ITPR2: variants seen among roughly 807,000 people sequenced by gnomAD.
ITPR2 encodes inositol 1,4,5-trisphosphate receptor type 2, also known as inositol 1,4,5-trisphosphate-gated calcium channel ITPR2.
In ITPR2, 207 loss-of-function variants were observed where a neutral mutation model predicts 317.1. The observed-to-expected ratio is 0.65, with a 90% CI of 0.58 to 0.73. The LOEUF (loss-of-function observed/expected upper bound fraction) is 0.73, where lower values mean the gene tolerates loss of function less well. Ranked by LOEUF, ITPR2 falls within the 30% of genes least tolerant of loss-of-function variation. The pLI, the probability that ITPR2 is intolerant of heterozygous loss-of-function variation, is 0.00. For missense variants in ITPR2, 2,613 were observed against 3,284.0 expected (o/e 0.80, Z 4.99); for synonymous variants, 1,156 against 1,149.1 (o/e 1.01, Z -0.12).
At chr12:26,750,927 T>G (rs1949402452) in intron 2 of ITPR2, among the ~76,000 whole-genome samples, 3 of 152,296 alleles carry the variant, frequency 2.0e-5, no homozygotes, top group South Asian at 4.1e-4. Context: ...ATTACCGTCA[T>G]TTTACAAATC....
At chr12:26,530,005 T>C (rs7136137) in intron 37 of ITPR2, among the ~76,000 whole-genome samples, 54,793 of 152,108 alleles carry the variant, frequency 0.36, 12,265 homozygotes, top group Non-Finnish European at 0.5. Flanking sequence ...ATTTTTGCAG[T>C]TTAAGTCTAC....
chr12:26,812,569 A>AGT, intron 1 of ITPR2, among the ~76,000 whole-genome samples: 1 of 151,850 alleles, frequency 6.6e-6, no homozygotes, highest in Non-Finnish European at 1.5e-5. Context: ...ACAGAGCGAG[A>AGT]CTCCGTCTCA....
At chr12:26,656,977 T>C (rs1396002957) in intron 18 of ITPR2, among the ~76,000 whole-genome samples, 1 of 152,162 alleles carries the variant, frequency 6.6e-6, no homozygotes, top group Non-Finnish European at 1.5e-5. Context: ...AAGTGATCAG[T>C]CCAAATGGCA....
intron 10 of ITPR2, among the ~76,000 whole-genome samples, chr12:26,692,257 G>A (rs974095336): frequency 1.3e-5 from 2 of 152,144 alleles, no homozygotes. Context: ...TGCCCCCAGG[G>A]GGCATTGGCA....
intron 1 of ITPR2, among the ~76,000 whole-genome samples, chr12:26,793,102 T>C (rs960754654): frequency 4.6e-5 from 7 of 152,216 alleles, no homozygotes; most frequent in Non-Finnish European, 8.8e-5. Context: ...CCAGATCCTT[T>C]TCATGTGTAC....
At chr12:26,605,094 A>AT (rs1226950472) in intron 26 of ITPR2, among the ~76,000 whole-genome samples, 6 of 108,598 alleles carry the variant, frequency 5.5e-5, no homozygotes, top group African/African-American at 1.7e-4. Context: ...TCTCAAAAAA[A>AT]AAAAAAATAA....
chr12:26,573,346 G>C (rs1189551166), intron 34 of ITPR2, among the ~76,000 whole-genome samples: 1 of 152,100 alleles, frequency 6.6e-6, no homozygotes, highest in Non-Finnish European at 1.5e-5. Flanking sequence ...CCCAGCCTAT[G>C]GATTATTGTC....
chr12:26,671,310 T>A (rs1381221719), intron 13 of ITPR2, among the ~76,000 whole-genome samples: 9 of 152,104 alleles, frequency 5.9e-5, no homozygotes, highest in African/African-American at 2.2e-4. Flanking sequence ...AAAGGTTGGG[T>A]TACCCACAAA....
At chr12:26,418,138 C>T (rs1940780582) in intron 50 of ITPR2, among the ~76,000 whole-genome samples, 1 of 152,080 alleles carries the variant, frequency 6.6e-6, no homozygotes, top group African/African-American at 2.4e-5. Context: ...GGAAAATTGG[C>T]CTCATTTCAG....
At chr12:26,769,823 A>G (rs900101726) in intron 2 of ITPR2, among the ~76,000 whole-genome samples, 1 of 152,196 alleles carries the variant, frequency 6.6e-6, no homozygotes, top group African/African-American at 2.4e-5. Flanking sequence ...AAAAACAGCT[A>G]TATTTAATTC....
chr12:26,727,454 A>G (rs1437452419), intron 2 of ITPR2, among the ~76,000 whole-genome samples: 1 of 152,238 alleles, frequency 6.6e-6, no homozygotes, highest in Non-Finnish European at 1.5e-5. Context: ...GTTTCTCTTC[A>G]TTATTACAGA....
At chr12:26,490,624 C>T (rs1436846956) in intron 39 of ITPR2, among the ~76,000 whole-genome samples, 4 of 152,206 alleles carry the variant, frequency 2.6e-5, no homozygotes, top group African/African-American at 4.8e-5. Flanking sequence ...ACCAGCCTGG[C>T]CACAGGATGA....
chr12:26,437,313 T>G (rs932043611), intron 47 of ITPR2, among the ~76,000 whole-genome samples: 2 of 152,224 alleles, frequency 1.3e-5, no homozygotes, highest in African/African-American at 4.8e-5. Context: ...TTTGTAGATA[T>G]ATCCTGTGAA....
chr12:26,418,056 AT>A (rs1940776894), intron 50 of ITPR2, among the ~76,000 whole-genome samples: 1 of 152,204 alleles, frequency 6.6e-6, no homozygotes, highest in Admixed American at 6.5e-5. Flanking sequence ...TTAACTGCCT[AT>A]AAGTTTATAT....
intron 55 of ITPR2, among the ~76,000 whole-genome samples, chr12:26,367,886 C>G (rs1283901437): frequency 6.6e-6 from 1 of 152,162 alleles, no homozygotes; most frequent in Non-Finnish European, 1.5e-5. Context: ...TTAGATAGTA[C>G]TTCATTGGAG....
chr12:26,457,861 AT>A (rs1206049943), intron 45 of ITPR2, among the ~76,000 whole-genome samples: 3 of 152,156 alleles, frequency 2.0e-5, no homozygotes, highest in Non-Finnish European at 4.4e-5. Flanking sequence ...CTTTATGAAT[AT>A]TTACCTCAGA....
chr12:26,621,161 C>T lies in ITPR2; in HGVS notation c.3424G>A (p.Gly1142Arg), dbSNP rs1287872271. 3 of 1,613,626 alleles carry T rather than the reference C, an allele frequency of 1.9e-6. No homozygotes were observed. Among genetic ancestry groups the T allele is most frequent in the Middle Eastern group, 1.6e-4 (1 of 6,080 alleles). Reference protein sequence around the residue: ...KSSNYENGEIGESQVKGGEEP... With the variant: ...KSSNYENGEIRESQVKGGEEP... ...TCACCACCTTTCACTTGACTTTCCCCTATTTCTCCATTCTCATAGTTGCTG... is the reference window on the plus strand; with the variant it reads ...TCACCACCTTTCACTTGACTTTCCCTTATTTCTCCATTCTCATAGTTGCTG... The change falls in exon 26 of 57, where the codon GGG becomes AGG. Residue 1142 changes from glycine (G) to arginine (R), a missense_variant. Gly to Arg is a moderately radical substitution (Grantham distance 125). Coordinates refer to ENST00000381340, the MANE Select transcript of ITPR2 (RefSeq NM_002223.4).
intron 55 of ITPR2, among the ~76,000 whole-genome samples, chr12:26,380,267 T>G (rs1409636066): frequency 6.6e-6 from 1 of 152,188 alleles, no homozygotes; most frequent in Admixed American, 6.5e-5. Flanking sequence ...ATAAGAGGAA[T>G]AGAAAGATGT....
intron 1 of ITPR2, among the ~76,000 whole-genome samples, chr12:26,799,033 C>G (rs1681978994): frequency 6.6e-6 from 1 of 152,046 alleles, no homozygotes; most frequent in Non-Finnish European, 1.5e-5. Context: ...TTAGACATGT[C>G]TAATTTCAAT....
Sources: allele counts gnomAD v4.1 joint callset (sites outside exome capture counted in the v4.1 genomes callset), GRCh38; gene constraint gnomAD v4.1.1; transcripts MANE v1.5; gene names NCBI Gene and HGNC (gene_info 2026-07-23, HGNC 2026-07-21).